SELENOO: variants seen among roughly 807,000 people sequenced by gnomAD.
SELENOO encodes protein adenylyltransferase SelO, mitochondrial.
A neutral mutation model predicts 58.7 loss-of-function variants in SELENOO; 74 were observed. The observed-to-expected ratio is 1.26, with a 90% CI of 1.04 to 1.53. SELENOO has a LOEUF of 1.53. SELENOO is among the 40% of genes most tolerant of loss of function. The pLI is 0.00. For synonymous variants in SELENOO, 543 were observed against 453.2 expected (o/e 1.20, Z -2.52); for missense variants, 1,149 against 970.0 (o/e 1.18, Z -2.45).
At chr22:50,215,906 G>A (rs1569105206) in intron 6 of SELENOO, 39 bp downstream of exon 6, 4 of 1,549,628 alleles carry the variant, frequency 2.6e-6, no homozygotes, top group Middle Eastern at 1.7e-4. Flanking sequence ...TTTGTTTCCA[G>A]AAAAGGAAGC....
At position 50,217,432 on chromosome 22, in the gene SELENOO, A is replaced by C; in HGVS notation, c.*63A>C. Reference sequence around the variant, plus strand: ...GGCCCCCATGTGCTGCTGAGTGGCCAAGATGATGCCAGGCTGCCCTATACA... The same window carrying C: ...GGCCCCCATGTGCTGCTGAGTGGCCCAGATGATGCCAGGCTGCCCTATACA... On this transcript the variant is annotated 3_prime_UTR_variant, in exon 9 of 9. Transcript: ENST00000380903. The C allele has an allele frequency of 1.3e-6, 2 of 1,573,968 alleles. No individual in the cohort carries two copies. The highest frequency in any genetic ancestry group is 8.6e-7 in the Non-Finnish European group (1 of 1,158,976).
chr22:50,213,211 C>T (rs566312329), intron 5 of SELENOO, among the ~76,000 whole-genome samples: 1 of 152,082 alleles, frequency 6.6e-6, no homozygotes, highest in South Asian at 2.1e-4. Flanking sequence ...CTGGCATGCT[C>T]CACCACACCT....
chr22:50,214,576 C>G (rs1284643937), intron 5 of SELENOO, among the ~76,000 whole-genome samples: 1 of 152,132 alleles, frequency 6.6e-6, no homozygotes, highest in Non-Finnish European at 1.5e-5. Context: ...GCACTCCAGC[C>G]TAGGCAACAA....
At chr22:50,206,554 C>T (rs1368758536) in intron 2 of SELENOO, 34 bp downstream of exon 2, 1 of 1,566,116 alleles carries the variant, frequency 6.4e-7, no homozygotes, top group Non-Finnish European at 8.7e-7. Context: ...TGTCTACACG[C>T]ACTTGCTTAG....
rs773860253 is a variant in SELENOO at position 50,210,635 on chromosome 22, G to A, written c.1075G>A (p.Asp359Asn). ...CTCTCTTGCCCCGTGTGGCAGGTAC[G>A]ACCCCGACCACGTGTGCAATGCCTC... Reference protein sequence around the residue: ...YGPFGFLDRYDPDHVCNASDN... With the variant: ...YGPFGFLDRYNPDHVCNASDN... Residue 359 changes from aspartate to asparagine, a missense_variant, in exon 5 of 9, where the codon GAC (aspartate) becomes AAC (asparagine). Coordinates refer to ENST00000380903, the MANE Select transcript of SELENOO (RefSeq NM_031454.2). 6 of 1,612,798 alleles carry A rather than the reference G, an allele frequency of 3.7e-6. No individual in the cohort carries two copies. The highest frequency in any genetic ancestry group is 2.2e-5 in the East Asian group (1 of 44,878).
rs1053024948 is a variant in SELENOO, at chr22:50,201,174, G to A, written c.138G>A (p.Ala46=). 1 of 1,238,742 alleles carries A rather than the reference G, an allele frequency of 8.1e-7. No homozygotes were observed. The highest frequency in any genetic ancestry group is 1.0e-6 in the Non-Finnish European group (1 of 990,430). The allele number at this position is 1,238,742 out of a possible 1,614,324, so 76.7% of individuals were successfully genotyped here. A position where few individuals can be genotyped will look rare whatever the true frequency, so the allele number is the denominator to read the frequency against. The part of the protein sequence containing the change: ...AAMEPAPRWL[A]GLRFDNRALR... The stretch of plus-strand genomic sequence containing the variant: ...TGGAGCCCGCGCCTCGCTGGCTGGC[G>A]GGGCTGCGCTTCGACAACCGCGCCC... Residue 46 remains alanine, a synonymous_variant, in exon 1 of 9, where the codon GCG becomes GCA. Coordinates refer to ENST00000380903, the MANE Select transcript of SELENOO (RefSeq NM_031454.2).
Position 50,215,478 on chromosome 22 carries a change from T to C in SELENOO, c.1352-239T>C, listed in dbSNP as rs563179574. Among the ~76,000 whole-genome samples, 6 of 146,180 alleles carry C rather than the reference T, an allele frequency of 4.1e-5. No individual in the cohort carries two copies. In the South Asian group the frequency reaches 1.3e-3, roughly 33 times the overall value. On this transcript the variant is annotated intron_variant, in intron 5 of 8. Transcript: ENST00000380903. ...GTCTCTGTGGCATGCGTGCCAGGTGTGGGTCCGTGTGGCACCTGTGCTGGG... is the reference window on the plus strand; with the variant it reads ...GTCTCTGTGGCATGCGTGCCAGGTGCGGGTCCGTGTGGCACCTGTGCTGGG...
At chr22:50,211,088 G>A (rs778219344) in intron 5 of SELENOO, among the ~76,000 whole-genome samples, 177 bp downstream of exon 5, 7 of 152,140 alleles carry the variant, frequency 4.6e-5, no homozygotes, top group East Asian at 3.8e-4. Flanking sequence ...GACCTGCTGC[G>A]AGTGGAGTCA....
intron 1 of SELENOO, among the ~76,000 whole-genome samples, chr22:50,202,976 A>T (rs1443496676): frequency 6.6e-6 from 1 of 152,270 alleles, no homozygotes; most frequent in African/African-American, 2.4e-5. Context: ...CGTGGGTTGG[A>T]TAACTTAATA....
Position 50,216,767 on chromosome 22 carries a change from G to A in SELENOO, c.1579G>A (p.Ala527Thr), listed in dbSNP as rs114904672. Residue 527 changes from alanine to threonine, a missense_variant, in exon 7 of 9, where the codon GCC becomes ACC. Transcript: ENST00000380903. ...GCTTATGGGCACCCGGGCAGGCATC[G>A]CCAGGGAGCTGGAGCGTGTGGAGCA... The part of the protein sequence containing the change: ...FALMGTRAGI[A>T]RELERVEQQS... The A allele has an allele frequency of 6.5e-5, 104 of 1,608,418 alleles. No individual in the cohort carries two copies. The highest frequency in any genetic ancestry group is 2.9e-4 in the African/African-American group (22 of 74,994).
chr22:50,209,464 C>G lies in SELENOO; in HGVS notation c.940-717C>G, dbSNP rs144654277. On this transcript the variant is annotated intron_variant, in intron 3 of 8. Coordinates refer to ENST00000380903, the MANE Select transcript of SELENOO (RefSeq NM_031454.2). The stretch of plus-strand genomic sequence containing the variant: ...CCCTGCAGTCCACCCCAGCCATGTT[C>G]CATGTGGGTGGGCGATGGGGCTGCA... 2.3e-3 allele frequency: 358 copies of G among 152,652 alleles called. 2 individuals are homozygous for G. Among genetic ancestry groups the G allele is most frequent in the Non-Finnish European group, 3.3e-3 (225 of 68,270 alleles). 9.5% of individuals were successfully genotyped at this position (152,652 alleles called of 1,614,324 possible). A position where few individuals can be genotyped will look rare whatever the true frequency, so the allele number is the denominator to read the frequency against.
intron 5 of SELENOO, among the ~76,000 whole-genome samples, chr22:50,213,709 G>A (rs184036258): frequency 3.6e-4 from 55 of 151,278 alleles, no homozygotes; most frequent in African/African-American, 1.2e-3. Flanking sequence ...GTGCAGTGGC[G>A]CGATCTCAGC....
In SELENOO at chr22:50,210,641, G is replaced by C. The variant is rs775166076; in HGVS notation, c.1081G>C (p.Asp361His). Residue 361 changes from aspartate to histidine, a missense_variant, in exon 5 of 9, where the codon GAC becomes CAC. Asp to His is a moderately conservative substitution (Grantham distance 81). Coordinates refer to ENST00000380903, the MANE Select transcript of SELENOO (RefSeq NM_031454.2). ...PFGFLDRYDP[D>H]HVCNASDNTG... ...TGCCCCGTGTGGCAGGTACGACCCC[G>C]ACCACGTGTGCAATGCCTCCGACAA... is the stretch of plus-strand genomic sequence containing the variant. 2 of 1,612,786 alleles carry C rather than the reference G, an allele frequency of 1.2e-6. No homozygotes were observed. Among genetic ancestry groups the C allele is most frequent in the South Asian group, 2.2e-5 (2 of 91,056 alleles).
chr22:50,211,413 T>C (rs1018681363), intron 5 of SELENOO, among the ~76,000 whole-genome samples: 17 of 152,170 alleles, frequency 1.1e-4, no homozygotes, highest in African/African-American at 4.1e-4. Flanking sequence ...TGGGTTGCAC[T>C]AGCTAGGACG....
rs533921909 is a variant in SELENOO, at chr22:50,202,656, AT to A, written c.554+1074del. On this transcript the variant is annotated intron_variant, in intron 1 of 8. Transcript: ENST00000380903. ...GTGATATTTTAAAGTTAAAAAGACA[AT>A]TTTTTTTATGAGAGTAATCTGTCGC... Among the ~76,000 whole-genome samples the A allele has an allele frequency of 3.9e-3, 587 of 152,094 alleles. 4 individuals are homozygous for A. Among genetic ancestry groups the A allele is most frequent in the African/African-American group, 0.013 (547 of 41,478 alleles).
rs771096062 is a variant in SELENOO at position 50,216,933 on chromosome 22, CAGCCCGGCTGTGACTCCAG to C, written c.1689-31_1689-13del. ...GGCGGGTCGCGTGCTGGAAAAAGTC[CAGCCCGGCTGTGACTCCAG>C]AGCCCGGATGTCATTCCAGAGCCCG... On this transcript the variant is annotated intron_variant, in intron 7 of 8. Transcript: ENST00000380903. The C allele has an allele frequency of 1.4e-5, 23 of 1,603,136 alleles. No homozygotes were observed. In the Admixed American group the frequency reaches 3.5e-4, roughly 24 times the overall value.
chr22:50,201,742 C>T (rs928721964), intron 1 of SELENOO, 152 bp downstream of exon 1: 17 of 493,054 alleles, frequency 3.4e-5, no homozygotes, highest in Middle Eastern at 6.0e-4. Context: ...GCCGCCCGCG[C>T]CCTGTGCTTA....
intron 5 of SELENOO, 105 bp from the exon 6 acceptor site, chr22:50,215,612 A>C: frequency 1.1e-6 from 1 of 897,932 alleles, no homozygotes; most frequent in Non-Finnish European, 1.6e-6. Flanking sequence ...GGGTGGGTCC[A>C]TGCAGCACCT....
intron 5 of SELENOO, among the ~76,000 whole-genome samples, chr22:50,215,113 C>T (rs1332439708): frequency 2.0e-5 from 3 of 152,194 alleles, no homozygotes; most frequent in Non-Finnish European, 4.4e-5. Context: ...CTTAGGGTCA[C>T]TGTGGTTTCA....
Sources: allele counts gnomAD v4.1 joint callset (sites outside exome capture counted in the v4.1 genomes callset), GRCh38; gene constraint gnomAD v4.1.1; transcripts MANE v1.5; gene names NCBI Gene and HGNC (gene_info 2026-07-23, HGNC 2026-07-21).